NXN: variants seen among roughly 807,000 people sequenced by gnomAD.
NXN encodes nucleoredoxin 1.
In NXN, 16 loss-of-function variants were observed where a neutral mutation model predicts 48.6. The observed-to-expected ratio is 0.33, with a 90% CI of 0.22 to 0.50. The LOEUF (loss-of-function observed/expected upper bound fraction) is 0.50, where lower values mean the gene tolerates loss of function less well. Ranked by LOEUF, NXN falls within the 20% of genes least tolerant of loss-of-function variation. The probability of loss-of-function intolerance (pLI) is 0.98; values close to 1 mark genes in which losing one functional copy is unlikely to be tolerated. For synonymous variants in NXN, 281 were observed against 269.6 expected (o/e 1.04, Z -0.41); for missense variants, 492 against 605.5 (o/e 0.81, Z 1.97).
intron 5 of NXN, among the ~76,000 whole-genome samples, chr17:809,987 G>A (rs1305321266): frequency 6.7e-6 from 1 of 148,794 alleles, no homozygotes; most frequent in Non-Finnish European, 1.5e-5. Context: ...GAGTCTGTGA[G>A]TGGCGTGTAC....
At chr17:835,128 GA>G (rs1358841279) in intron 1 of NXN, among the ~76,000 whole-genome samples, 1 of 150,438 alleles carries the variant, frequency 6.6e-6, no homozygotes, top group Non-Finnish European at 1.5e-5. Flanking sequence ...CTAACATGGT[GA>G]AACCCTGTCT....
chr17:806,538 G>T (rs1009523823), intron 5 of NXN, among the ~76,000 whole-genome samples: 3 of 151,930 alleles, frequency 2.0e-5, no homozygotes, highest in Admixed American at 2.0e-4. Flanking sequence ...CCCACCCTTC[G>T]GGGACCTTTG....
At chr17:843,558 A>T (rs1050781452) in intron 1 of NXN, among the ~76,000 whole-genome samples, 1 of 152,234 alleles carries the variant, frequency 6.6e-6, no homozygotes, top group Non-Finnish European at 1.5e-5. Context: ...GGCTAGGGCC[A>T]TATGTGCTCA....
Position 932,925 on chromosome 17 carries a change from G to T in NXN, c.360+46394C>A, listed in dbSNP as rs1009239331. Reference sequence around the variant, plus strand: ...GGCCTCCCTCAGTACTGGGATTCCAGGCGTGAGCCACCGCGCCCAGCCCAG... The same window carrying T: ...GGCCTCCCTCAGTACTGGGATTCCATGCGTGAGCCACCGCGCCCAGCCCAG... On this transcript the variant is annotated intron_variant, in intron 1 of 7. Coordinates refer to ENST00000336868, the MANE Select transcript of NXN (RefSeq NM_022463.5). The surrounding 1 kb of genome is among the most constrained non-coding windows in gnomAD (Gnocchi z 4.1). 1.3e-5 allele frequency among the ~76,000 whole-genome samples: 2 copies of T among 149,300 alleles called. No homozygotes were observed. The highest frequency in any genetic ancestry group is 3.0e-5 in the Non-Finnish European group (2 of 66,750).
At position 838,555 on chromosome 17, in the gene NXN, C is replaced by T. The variant is rs370059489; in HGVS notation, c.361-12477G>A. ...TGCCACAGGGATGAAAGTGGTGAGA[C>T]GCCGAGTCGGCTTTCAAAAACCTTA... On this transcript the variant is annotated intron_variant, in intron 1 of 7. Coordinates refer to ENST00000336868, the MANE Select transcript of NXN (RefSeq NM_022463.5). Among the ~76,000 whole-genome samples, 38 of 152,292 alleles carry T rather than the reference C, an allele frequency of 2.5e-4. No homozygotes were observed. The South Asian group carries it at 3.9e-3, about 16-fold the overall frequency.
intron 1 of NXN, among the ~76,000 whole-genome samples, chr17:871,475 G>C (rs965869831): frequency 1.1e-4 from 15 of 139,352 alleles, no homozygotes; most frequent in African/African-American, 4.1e-4. Context: ...CACGATCTCA[G>C]CTCACAGCAA....
intron 1 of NXN, among the ~76,000 whole-genome samples, chr17:957,596 C>A (rs2069186510): frequency 6.6e-6 from 1 of 150,672 alleles, no homozygotes; most frequent in Non-Finnish European, 1.5e-5. Flanking sequence ...CAAGCCACTG[C>A]ACTCCAGCCT....
At position 830,787 on chromosome 17, in the gene NXN, GGT is replaced by G; in HGVS notation, c.361-4711_361-4710del. Among the ~76,000 whole-genome samples the G allele has an allele frequency of 6.6e-6, 1 of 152,252 alleles. No homozygotes were observed. Among genetic ancestry groups the G allele is most frequent in the East Asian group, 1.9e-4 (1 of 5,178 alleles). The stretch of plus-strand genomic sequence containing the variant: ...AGGCCAAGGTGGGCAGATCATCTGA[GGT>G]CAGGAGTTCGACAACAGCCTGGCCA... On this transcript the variant is annotated intron_variant, in intron 1 of 7. Coordinates refer to ENST00000336868, the MANE Select transcript of NXN (RefSeq NM_022463.5). This position sits in a 1 kb window ranked among gnomAD's most constrained non-coding sequence, Gnocchi z 4.2.
In NXN at chr17:850,678, G is replaced by A. The variant is rs183136878; in HGVS notation, c.361-24600C>T. Among the ~76,000 whole-genome samples, 7 of 152,306 alleles carry A rather than the reference G, an allele frequency of 4.6e-5. No homozygotes were observed. In the East Asian group the frequency reaches 7.7e-4, roughly 17 times the overall value. On this transcript the variant is annotated intron_variant, in intron 1 of 7. Coordinates refer to ENST00000336868, the MANE Select transcript of NXN (RefSeq NM_022463.5). ...GAGCTGAGTCAGGAGGGACGAAGGC[G>A]GGAGGTTTCTTCTGCAGACAAGATG...
Position 813,358 on chromosome 17 carries a change from CTGAG to C in NXN, c.820+6077_820+6080del, listed in dbSNP as rs1033967032. 7.2e-5 allele frequency among the ~76,000 whole-genome samples: 11 copies of C among 152,334 alleles called. No individual in the cohort carries two copies. The South Asian group carries it at 1.4e-3, about 20-fold the overall frequency. ...GAACTGATACCAGTGAAACCAGGGA[CTGAG>C]TGAGACGGGCTCTGAAGGAGAAACG... On this transcript the variant is annotated intron_variant, in intron 5 of 7. Transcript: ENST00000336868.
At chr17:816,538 C>G (rs1912483189) in intron 5 of NXN, among the ~76,000 whole-genome samples, 1 of 152,076 alleles carries the variant, frequency 6.6e-6, no homozygotes. Context: ...CATCCTTGGT[C>G]TTCTCTGGTC....
Position 841,024 on chromosome 17 carries a change from G to A in NXN, c.361-14946C>T, listed in dbSNP as rs117840179. ...TGCCGGCACAGGAGCAGATGGCTTG[G>A]GTTCGAATCCCGGCTCTGCCACTTT... On this transcript the variant is annotated intron_variant, in intron 1 of 7. Coordinates refer to ENST00000336868, the MANE Select transcript of NXN (RefSeq NM_022463.5). Among the ~76,000 whole-genome samples the A allele has an allele frequency of 2.6e-3, 400 of 152,252 alleles. 1 individual carries two copies. The highest frequency in any genetic ancestry group is 0.014 in the Middle Eastern group (4 of 294).
Position 904,298 on chromosome 17 carries a change from G to A in NXN, c.360+75021C>T, listed in dbSNP as rs113056759. Among the ~76,000 whole-genome samples the A allele has an allele frequency of 9.9e-5, 13 of 131,628 alleles. 1 individual carries two copies. Among genetic ancestry groups the A allele is most frequent in the African/African-American group, 4.4e-4 (11 of 25,194 alleles). 86.4% of individuals were successfully genotyped at this position (131,628 alleles called of 152,430 possible). A position where few individuals can be genotyped will look rare whatever the true frequency, so the allele number is the denominator to read the frequency against. On this transcript the variant is annotated intron_variant, in intron 1 of 7. Coordinates refer to ENST00000336868, the MANE Select transcript of NXN (RefSeq NM_022463.5). ...CCTGCGGGCTGCCCGGACGTCGGAC[G>A]CCGTCCGGCTTCCATCCGACAGACT... is the stretch of plus-strand genomic sequence containing the variant.
chr17:819,434 C>A lies in NXN; in HGVS notation c.820+5G>T. 6.2e-7 allele frequency: 1 copy of A among 1,613,230 alleles called. No homozygotes were observed. Among genetic ancestry groups the A allele is most frequent in the Non-Finnish European group, 8.5e-7 (1 of 1,179,222 alleles). On this transcript the variant is annotated splice_donor_5th_base_variant and intron_variant, in intron 5 of 7. Coordinates refer to ENST00000336868, the MANE Select transcript of NXN (RefSeq NM_022463.5). ...CCACACGGAGCCGGGGCCTGGAGCGCCTACCTTGGATTCCGTACAGCCGGT... is the reference window on the plus strand; with the variant it reads ...CCACACGGAGCCGGGGCCTGGAGCGACTACCTTGGATTCCGTACAGCCGGT...
At chr17:828,097 G>GT (rs1049248585) in intron 1 of NXN, among the ~76,000 whole-genome samples, 38 of 151,820 alleles carry the variant, frequency 2.5e-4, no homozygotes, top group Admixed American at 9.2e-4. Context: ...TGCACATCCA[G>GT]TTTTTTTTGT....
chr17:812,955 G>T (rs775684680), intron 5 of NXN, among the ~76,000 whole-genome samples: 6 of 149,348 alleles, frequency 4.0e-5, no homozygotes, highest in African/African-American at 1.5e-4. Flanking sequence ...TGTGAGTGTA[G>T]GTGTGCATGT....
chr17:834,721 CG>C (rs1440522651), intron 1 of NXN, among the ~76,000 whole-genome samples: 1 of 151,524 alleles, frequency 6.6e-6, no homozygotes, highest in Non-Finnish European at 1.5e-5. Context: ...GGTTTCACCA[CG>C]TTGGGCACGC....
chr17:932,899 C>T lies in NXN; in HGVS notation c.360+46420G>A, dbSNP rs1220125241. 2.0e-5 allele frequency among the ~76,000 whole-genome samples: 3 copies of T among 152,294 alleles called. No individual in the cohort carries two copies. The highest frequency in any genetic ancestry group is 6.5e-5 in the Admixed American group (1 of 15,286). On this transcript the variant is annotated intron_variant, in intron 1 of 7. Coordinates refer to ENST00000336868, the MANE Select transcript of NXN (RefSeq NM_022463.5). The surrounding 1 kb of genome is among the most constrained non-coding windows in gnomAD (Gnocchi z 4.1). ...CTGACCTCAGGTGATCCGCCCGCCT[C>T]GGCCTCCCTCAGTACTGGGATTCCA...
intron 1 of NXN, among the ~76,000 whole-genome samples, chr17:913,563 C>G (rs2068656736): frequency 1.3e-5 from 2 of 152,104 alleles, no homozygotes; most frequent in South Asian, 4.1e-4. Context: ...CAACAGAGAC[C>G]AAAGGAAAAG....
Sources: allele counts gnomAD v4.1 joint callset (sites outside exome capture counted in the v4.1 genomes callset), GRCh38; gene constraint gnomAD v4.1.1; non-coding constraint Gnocchi (gnomAD v3.1); transcripts MANE v1.5; gene names NCBI Gene and HGNC (gene_info 2026-07-23, HGNC 2026-07-21).